Variants in WDR35 observed in about 807,000 individuals in gnomAD.
The protein encoded by WDR35 is WD repeat-containing protein 35.
In WDR35, 118 loss-of-function variants were observed where a neutral mutation model predicts 158.3. The ratio of observed to expected loss-of-function variants is 0.75; its 90% CI spans 0.64 to 0.87. The LOEUF (loss-of-function observed/expected upper bound fraction) is 0.87, where lower values mean the gene tolerates loss of function less well. Ranked by LOEUF, WDR35 falls within the 40% of genes least tolerant of loss-of-function variation. The probability of loss-of-function intolerance (pLI) is 0.00; values close to 1 mark genes in which losing one functional copy is unlikely to be tolerated. For missense variants in WDR35, 1,263 were observed against 1,405.8 expected (o/e 0.90, Z 1.62); for synonymous variants, 448 against 476.1 (o/e 0.94, Z 0.77).
chr2:19,971,269 G>C (rs924753256), intron 8 of WDR35, among the ~76,000 whole-genome samples: 7 of 152,144 alleles, frequency 4.6e-5, no homozygotes, highest in African/African-American at 1.7e-4. Flanking sequence ...TTGAATGTCT[G>C]TCCCCTCCAA....
chr2:19,966,704 A>G lies in WDR35; in HGVS notation c.1194+20T>C. 6.2e-7 allele frequency: 1 copy of G among 1,612,726 alleles called. No individual in the cohort carries two copies. Among genetic ancestry groups the G allele is most frequent in the Non-Finnish European group, 8.5e-7 (1 of 1,179,600 alleles). The stretch of plus-strand genomic sequence containing the variant: ...AAGCAGTTAGCCCAGCTATGTCTTA[A>G]GATATCAAGAAACACCTACCTGAGG... On this transcript the variant is annotated intron_variant, in intron 10 of 26. Transcript: ENST00000281405.
intron 16 of WDR35, among the ~76,000 whole-genome samples, chr2:19,945,542 T>C (rs985895018): frequency 6.6e-6 from 1 of 152,130 alleles, no homozygotes; most frequent in Non-Finnish European, 1.5e-5. Context: ...AAAGAACAGA[T>C]AAATAAATGC....
At chr2:19,970,199 T>G (rs1319088661) in intron 8 of WDR35, among the ~76,000 whole-genome samples, 1 of 152,210 alleles carries the variant, frequency 6.6e-6, no homozygotes, top group African/African-American at 2.4e-5. Flanking sequence ...AAAAACACAT[T>G]GCTAATTAAA....
chr2:19,985,096 C>T (rs183499122), intron 2 of WDR35, among the ~76,000 whole-genome samples: 1 of 152,298 alleles, frequency 6.6e-6, no homozygotes, highest in East Asian at 1.9e-4. Context: ...AATGTCACTG[C>T]CTGCAGGTAC....
Position 19,975,619 on chromosome 2 carries a change from G to C in WDR35, c.481C>G (p.His161Asp). ...GKDLKGIQLS[H>D]VTWSADSKVL... is the part of the protein sequence containing the mutation. ...TTACTGTCCGCAGACCATGTTACATGGGATAGCTGTATACCCTTCAGGTCT... is the reference window on the plus strand; with the variant it reads ...TTACTGTCCGCAGACCATGTTACATCGGATAGCTGTATACCCTTCAGGTCT... The change falls in exon 6 of 27, where the codon CAT becomes GAT. Residue 161 changes from histidine to aspartate, a missense_variant. Transcript: ENST00000281405. 1 of 1,614,012 alleles carries C rather than the reference G, an allele frequency of 6.2e-7. No homozygotes were observed. The highest frequency in any genetic ancestry group is 8.5e-7 in the Non-Finnish European group (1 of 1,179,946).
chr2:19,951,265 A>G, intron 13 of WDR35, 150 bp downstream of exon 13: 1 of 706,952 alleles, frequency 1.4e-6, no homozygotes, highest in Non-Finnish European at 2.3e-6. Flanking sequence ...AAGATCTAGG[A>G]AAAAGTTTAC....
intron 11 of WDR35, among the ~76,000 whole-genome samples, chr2:19,954,735 G>C (rs544886776): frequency 5.9e-5 from 9 of 152,246 alleles, no homozygotes; most frequent in Admixed American, 1.3e-4. Flanking sequence ...TTGGTAAACA[G>C]TTCAGCAACT....
intron 6 of WDR35, 79 bp from the exon 7 acceptor site, chr2:19,974,712 A>G: frequency 7.5e-7 from 1 of 1,333,284 alleles, no homozygotes; most frequent in Non-Finnish European, 1.0e-6. Flanking sequence ...AGAGTATTGT[A>G]GAAAGAACAC....
At chr2:19,947,253 C>T (rs1671089085) in intron 14 of WDR35, among the ~76,000 whole-genome samples, 1 of 152,184 alleles carries the variant, frequency 6.6e-6, no homozygotes, top group Non-Finnish European at 1.5e-5. Flanking sequence ...AGCCTCCACA[C>T]AGCTGATCTT....
chr2:19,971,569 T>G (rs1413704707), intron 8 of WDR35, among the ~76,000 whole-genome samples: 2 of 152,264 alleles, frequency 1.3e-5, no homozygotes, highest in Admixed American at 1.3e-4. Flanking sequence ...GTCTGTGGTA[T>G]TCTGTCATAG....
At chr2:19,947,146 T>C (rs1481411946) in intron 14 of WDR35, among the ~76,000 whole-genome samples, 2 of 152,226 alleles carry the variant, frequency 1.3e-5, no homozygotes, top group Admixed American at 6.5e-5. Flanking sequence ...AGGGCAAATC[T>C]TAAGGTTGAC....
At position 19,975,709 on chromosome 2, in the gene WDR35, A is replaced by G. The variant is rs1004218911; in HGVS notation, c.437-46T>C. ...AAGTTGTTCAAGGTCATGATCCTCC[A>G]ACAACGGCTTTCGAAATCTTTGTTT... On this transcript the variant is annotated intron_variant, in intron 5 of 26. Coordinates refer to ENST00000281405, the MANE Select transcript of WDR35 (RefSeq NM_020779.4). 6 of 1,612,882 alleles carry G rather than the reference A, an allele frequency of 3.7e-6. No homozygotes were observed. In the African/African-American group the frequency reaches 8.0e-5, roughly 22 times the overall value.
chr2:19,968,374 G>A (rs566627643), intron 9 of WDR35, among the ~76,000 whole-genome samples: 3 of 152,290 alleles, frequency 2.0e-5, no homozygotes, highest in East Asian at 1.9e-4. Context: ...CCACCTCCTG[G>A]AGAAGGCAAT....
At chr2:19,930,021 T>C (rs1320341344) in intron 25 of WDR35, among the ~76,000 whole-genome samples, 3 of 150,658 alleles carry the variant, frequency 2.0e-5, no homozygotes, top group African/African-American at 7.3e-5. Context: ...TAAAATTATC[T>C]GAATGTATGT....
chr2:19,927,973 AT>A (rs1207980537), intron 25 of WDR35, among the ~76,000 whole-genome samples: 4 of 152,202 alleles, frequency 2.6e-5, no homozygotes, highest in Admixed American at 2.6e-4. Context: ...GCCTTTATAG[AT>A]TTGCAAATCA....
At chr2:19,932,478 C>A in intron 22 of WDR35, 31 bp from the exon 23 acceptor site, 1 of 1,611,968 alleles carries the variant, frequency 6.2e-7, no homozygotes, top group Non-Finnish European at 8.5e-7. Context: ...TTCAGTCACC[C>A]AAGTATTTAC....
intron 23 of WDR35, 26 bp downstream of exon 23, chr2:19,932,257 A>T (rs758940001): frequency 1.2e-6 from 2 of 1,612,654 alleles, no homozygotes; most frequent in East Asian, 4.5e-5. Context: ...GAACAAATCA[A>T]CTATTCACCA....
chr2:19,966,847 A>G lies in WDR35; in HGVS notation c.1071T>C (p.Cys357=). 4 of 1,614,028 alleles carry G rather than the reference A, an allele frequency of 2.5e-6. No homozygotes were observed. The highest frequency in any genetic ancestry group is 3.4e-6 in the Non-Finnish European group (4 of 1,179,958). The change falls in exon 10 of 27, where the codon TGT becomes TGC. Residue 357 remains cysteine (C), a synonymous_variant. Coordinates refer to ENST00000281405, the MANE Select transcript of WDR35 (RefSeq NM_020779.4). ...AYTRPDRPEY[C]VVFWDTKNNE... Reference sequence around the variant, plus strand: ...TGTTTTTCGTATCCCAGAAGACAACACAATATTCTGGACGATCAGGTCTGG... The same window carrying G: ...TGTTTTTCGTATCCCAGAAGACAACGCAATATTCTGGACGATCAGGTCTGG...
chr2:19,917,455 G>A (rs1670025141), intron 25 of WDR35, among the ~76,000 whole-genome samples: 1 of 152,212 alleles, frequency 6.6e-6, no homozygotes, highest in African/African-American at 2.4e-5. Context: ...CCAAGGTAAA[G>A]GAGCATGTTC....
Sources: gnomAD v4.1 joint callset for allele counts (sites outside exome capture counted in the v4.1 genomes callset) on GRCh38, gnomAD v4.1.1 for gene constraint, MANE v1.5 for transcripts, NCBI Gene and HGNC (gene_info 2026-07-23, HGNC 2026-07-21) for gene names.